Variants in SOX6 observed in about 807,000 individuals in gnomAD.
SOX6 encodes the protein transcription factor SOX-6.
In SOX6, 11 loss-of-function variants were observed where a neutral mutation model predicts 97.8. The ratio of observed to expected loss-of-function variants is 0.11; its 90% CI spans 0.07 to 0.19. SOX6 has a LOEUF of 0.19. SOX6 is among the 10% of genes least tolerant of loss of function. SOX6 has a pLI of 1.00. For missense variants in SOX6, 810 were observed against 1,039.5 expected, an observed-to-expected ratio of 0.78 and a Z score of 3.04; for synonymous variants, 360 against 371.4, an observed-to-expected ratio of 0.97 and a Z score of 0.35.
At chr11:16,050,283 G>A (rs912912566) in intron 10 of SOX6, among the ~76,000 whole-genome samples, 4 of 152,180 alleles carry the variant, frequency 2.6e-5, no homozygotes, top group African/African-American at 9.6e-5. Context: ...CAGCAGCTCT[G>A]TAGTGCTTTT....
intron 1 of SOX6, among the ~76,000 whole-genome samples, chr11:16,368,132 C>A (rs543029559): frequency 6.6e-6 from 1 of 152,094 alleles, no homozygotes; most frequent in East Asian, 1.9e-4. Flanking sequence ...AATTGACTAG[C>A]ACTCCCATTA....
At chr11:16,435,594 C>A (rs1859360659) in intron 1 of SOX6, among the ~76,000 whole-genome samples, 1 of 152,040 alleles carries the variant, frequency 6.6e-6, no homozygotes, top group Admixed American at 6.5e-5. Flanking sequence ...CAAGGCCCTG[C>A]CAACACCTTG....
chr11:16,414,720 A>G (rs1375300775), intron 1 of SOX6, among the ~76,000 whole-genome samples: 1 of 152,218 alleles, frequency 6.6e-6, no homozygotes, highest in Non-Finnish European at 1.5e-5. Flanking sequence ...GAAGACTACA[A>G]GTAGCTAGGC....
At chr11:16,377,045 A>T (rs1200213227) in intron 1 of SOX6, among the ~76,000 whole-genome samples, 1 of 152,000 alleles carries the variant, frequency 6.6e-6, no homozygotes, top group Admixed American at 6.6e-5. Context: ...AAAAAAAGTC[A>T]AGTTGTTAGT....
chr11:16,275,953 T>C (rs1477631222), intron 3 of SOX6, among the ~76,000 whole-genome samples: 1 of 152,206 alleles, frequency 6.6e-6, no homozygotes. Flanking sequence ...ATAAATACTA[T>C]AACAGTTTTT....
intron 3 of SOX6, among the ~76,000 whole-genome samples, chr11:16,270,640 CACACACACACACAA>C (rs1254292800): frequency 9.9e-6 from 1 of 100,990 alleles, no homozygotes; most frequent in Non-Finnish European, 2.1e-5. Flanking sequence ...AATGTAATAA[CACACACACACACAA>C]ACACACACAC....
At chr11:16,645,329 A>G (rs1302658935) in intron 3 of SOX6, among the ~76,000 whole-genome samples, 3 of 152,208 alleles carry the variant, frequency 2.0e-5, no homozygotes, top group Non-Finnish European at 1.5e-5. Context: ...GTCCATGTTT[A>G]CAGGTTCCTA....
At chr11:16,141,849 G>A (rs2134040473) in intron 6 of SOX6, among the ~76,000 whole-genome samples, 1 of 152,252 alleles carries the variant, frequency 6.6e-6, no homozygotes, top group African/African-American at 2.4e-5. Flanking sequence ...TAAACAAAGT[G>A]GCCAGGAAGC....
chr11:16,335,238 G>T (rs1856421752), intron 2 of SOX6, among the ~76,000 whole-genome samples: 1 of 152,104 alleles, frequency 6.6e-6, no homozygotes, highest in African/African-American at 2.4e-5. Flanking sequence ...TTCAAGGTAA[G>T]GATGGCCATT....
intron 4 of SOX6, among the ~76,000 whole-genome samples, chr11:16,574,599 A>G (rs919010780): frequency 6.6e-6 from 1 of 152,118 alleles, no homozygotes; most frequent in Non-Finnish European, 1.5e-5. Flanking sequence ...AAAGATCAAT[A>G]ACTATACAAC....
chr11:16,285,650 A>C (rs1467023658), intron 3 of SOX6, among the ~76,000 whole-genome samples: 3 of 152,192 alleles, frequency 2.0e-5, no homozygotes, highest in Non-Finnish European at 4.4e-5. Flanking sequence ...ACAAGAGCTC[A>C]ATAAATGTCT....
intron 6 of SOX6, among the ~76,000 whole-genome samples, chr11:16,141,952 G>T (rs143364119): frequency 0.018 from 2,720 of 152,248 alleles, 77 homozygotes; most frequent in African/African-American, 0.062. Context: ...ACAAAAGGCA[G>T]CAGAAACCTC....
rs562204609 is a variant in SOX6 at position 16,733,537 on chromosome 11, A to G, written n.353+2802T>C. 2.0e-4 allele frequency among the ~76,000 whole-genome samples: 26 copies of G among 130,672 alleles called. No homozygotes were observed. The South Asian group carries it at 7.0e-3, about 35-fold the overall frequency. The allele number at this position is 130,672 out of a possible 152,430, so 85.7% of individuals were successfully genotyped here. On this transcript the variant is annotated intron_variant and non_coding_transcript_variant, in intron 2 of 5. Coordinates refer to the SOX6 transcript ENST00000524520. ...AGCGGCAGTTGAACAATGAGAACAC[A>G]TGGACACAGGGAGGGGAATATCACA...
At chr11:16,663,839 A>T (rs1299370290) in intron 3 of SOX6, among the ~76,000 whole-genome samples, 1 of 152,256 alleles carries the variant, frequency 6.6e-6, no homozygotes, top group Non-Finnish European at 1.5e-5. Flanking sequence ...ATCATTTTCG[A>T]CATCATAAAC....
At chr11:16,522,984 G>C (rs1454072438) in intron 4 of SOX6, among the ~76,000 whole-genome samples, 4 of 152,132 alleles carry the variant, frequency 2.6e-5, no homozygotes, top group Non-Finnish European at 5.9e-5. Flanking sequence ...CATAAAGCAA[G>C]TCCTTAGAGA....
chr11:16,722,458 C>T (rs1848274604), intron 2 of SOX6, among the ~76,000 whole-genome samples: 1 of 152,148 alleles, frequency 6.6e-6, no homozygotes, highest in Non-Finnish European at 1.5e-5. Flanking sequence ...TCAAGACCAG[C>T]CTGGCCAACA....
At chr11:16,545,346 A>C (rs7131206) in intron 4 of SOX6, among the ~76,000 whole-genome samples, 15,466 of 117,584 alleles carry the variant, frequency 0.13, 831 homozygotes, top group Non-Finnish European at 0.18. Flanking sequence ...TCCAAGCCCA[A>C]AAAAAAAAAA....
intron 3 of SOX6, among the ~76,000 whole-genome samples, chr11:16,656,087 C>CT (rs1381908942): frequency 1.5e-4 from 22 of 148,708 alleles, no homozygotes; most frequent in Non-Finnish European, 2.1e-4. Context: ...AGAAGTCTTG[C>CT]TTTTTTTTTT....
chr11:16,575,903 C>T (rs1218721686), intron 4 of SOX6, among the ~76,000 whole-genome samples: 1 of 152,102 alleles, frequency 6.6e-6, no homozygotes, highest in Non-Finnish European at 1.5e-5. Flanking sequence ...CACATATATA[C>T]ATCCATATTT....
Sources: allele counts gnomAD v4.1 joint callset (sites outside exome capture counted in the v4.1 genomes callset), GRCh38; gene constraint gnomAD v4.1.1; transcripts MANE v1.5; gene names NCBI Gene and HGNC (gene_info 2026-07-23, HGNC 2026-07-21).